The following SLC9A4 variants were observed in gnomAD, a reference collection of about 807,000 sequenced individuals.
SLC9A4 encodes sodium/hydrogen exchanger 4.
In SLC9A4, 63 loss-of-function variants were observed where a neutral mutation model predicts 67.4. The ratio of observed to expected loss-of-function variants is 0.93; its 90% CI spans 0.76 to 1.15. SLC9A4 has a LOEUF of 1.15. SLC9A4 is among the 50% of genes most tolerant of loss of function. SLC9A4 has a pLI of 0.00. For synonymous variants in SLC9A4, 393 were observed against 367.2 expected (o/e 1.07, Z -0.80); for missense variants, 1,089 against 987.7 (o/e 1.10, Z -1.38).
intron 2 of SLC9A4, among the ~76,000 whole-genome samples, chr2:102,502,524 T>C (rs186180620): frequency 1.4e-4 from 22 of 152,348 alleles, no homozygotes; most frequent in Non-Finnish European, 2.8e-4. Context: ...AAACTCTCTA[T>C]GTACCCTAGG....
intron 2 of SLC9A4, among the ~76,000 whole-genome samples, chr2:102,482,112 A>G (rs6751666): frequency 0.11 from 16,386 of 152,244 alleles, 1,157 homozygotes; most frequent in African/African-American, 0.2. Context: ...CAAGCTTCAC[A>G]AAAAGCCACA....
At position 102,503,572 on chromosome 2, in the gene SLC9A4, T is replaced by A. The variant is rs1309783106; in HGVS notation, c.845T>A (p.Ile282Asn). The change falls in exon 3 of 12, where the codon ATC becomes AAC. Residue 282 changes from isoleucine (I) to asparagine (N), a missense_variant. Coordinates refer to ENST00000295269, the MANE Select transcript of SLC9A4 (RefSeq NM_001011552.4). Reference protein sequence around the residue: ...VVGLGGVLFGIVFGFISAFIT... With the variant: ...VVGLGGVLFGNVFGFISAFIT... ...GGGCTTGGAGGGGTATTGTTTGGCA[T>A]CGTTTTTGGATTTATTTCTGCATTT... The A allele has an allele frequency of 1.9e-6, 3 of 1,614,182 alleles. No homozygotes were observed. The highest frequency in any genetic ancestry group is 2.5e-6 in the Non-Finnish European group (3 of 1,180,050).
intron 2 of SLC9A4, among the ~76,000 whole-genome samples, chr2:102,480,226 T>A (rs1461984484): frequency 6.6e-6 from 1 of 152,160 alleles, no homozygotes; most frequent in Admixed American, 6.5e-5. Context: ...ACCTTTTCCC[T>A]CCTGTATTTT....
At chr2:102,497,623 A>T (rs1399295266) in intron 2 of SLC9A4, among the ~76,000 whole-genome samples, 2 of 152,226 alleles carry the variant, frequency 1.3e-5, no homozygotes, top group African/African-American at 4.8e-5. Context: ...TAAAATGCAA[A>T]TTAATCTATT....
chr2:102,530,971 T>C (rs937807038), intron 11 of SLC9A4, among the ~76,000 whole-genome samples: 3 of 152,122 alleles, frequency 2.0e-5, no homozygotes, highest in African/African-American at 7.2e-5. Context: ...GGCATATTCA[T>C]TCTAGATATG....
chr2:102,530,630 T>C (rs989538187), intron 11 of SLC9A4, among the ~76,000 whole-genome samples: 1 of 151,922 alleles, frequency 6.6e-6, no homozygotes, highest in Non-Finnish European at 1.5e-5. Flanking sequence ...ACAGGAAAGG[T>C]TGGAGTGAAA....
At chr2:102,474,722 T>C (rs904491809) in intron 1 of SLC9A4, among the ~76,000 whole-genome samples, 1 of 152,220 alleles carries the variant, frequency 6.6e-6, no homozygotes, top group Non-Finnish European at 1.5e-5. Context: ...GACTGTTTAA[T>C]CCCTAACTGC....
intron 4 of SLC9A4, among the ~76,000 whole-genome samples, chr2:102,507,241 C>A (rs1028085451): frequency 6.6e-6 from 1 of 152,206 alleles, no homozygotes; most frequent in Non-Finnish European, 1.5e-5. Context: ...TTTGCACTAT[C>A]CATGTGCCTA....
chr2:102,523,488 A>G (rs1296525578), intron 9 of SLC9A4, among the ~76,000 whole-genome samples: 1 of 152,224 alleles, frequency 6.6e-6, no homozygotes, highest in East Asian at 1.9e-4. Flanking sequence ...GTGAGGGCCC[A>G]TTATAAATTC....
chr2:102,494,995 T>C (rs1684776176), intron 2 of SLC9A4, among the ~76,000 whole-genome samples: 1 of 152,086 alleles, frequency 6.6e-6, no homozygotes, highest in Non-Finnish European at 1.5e-5. Flanking sequence ...CTAATTCCTA[T>C]TCATAGAATA....
At chr2:102,520,156 A>G (rs1685375234) in intron 9 of SLC9A4, among the ~76,000 whole-genome samples, 1 of 152,180 alleles carries the variant, frequency 6.6e-6, no homozygotes, top group Non-Finnish European at 1.5e-5. Flanking sequence ...TACCTGTGAC[A>G]TAAAAAGAAA....
intron 1 of SLC9A4, among the ~76,000 whole-genome samples, chr2:102,476,108 A>G (rs958672734): frequency 6.6e-6 from 1 of 152,206 alleles, no homozygotes; most frequent in Non-Finnish European, 1.5e-5. Context: ...TGACAGAAAA[A>G]CATCAAAACT....
At chr2:102,480,624 CT>C (rs1309418901) in intron 2 of SLC9A4, among the ~76,000 whole-genome samples, 4 of 152,178 alleles carry the variant, frequency 2.6e-5, no homozygotes, top group African/African-American at 9.7e-5. Context: ...GCATGCCTCT[CT>C]CTTTGCATTC....
Position 102,505,249 on chromosome 2 carries a change from T to C in SLC9A4, c.981-5T>C, listed in dbSNP as rs1685026003. 1.2e-6 allele frequency: 2 copies of C among 1,613,084 alleles called. No individual in the cohort carries two copies. The highest frequency in any genetic ancestry group is 1.6e-4 in the Middle Eastern group (1 of 6,062). The stretch of plus-strand genomic sequence containing the variant: ...ATTTTCTCTGAGACTCTGCTCCTTT[T>C]ATAGAATCACAGCCTGCGCAGTAAC... On this transcript the variant is annotated splice_polypyrimidine_tract_variant and splice_region_variant and intron_variant, in intron 3 of 11. Coordinates refer to ENST00000295269, the MANE Select transcript of SLC9A4 (RefSeq NM_001011552.4).
chr2:102,503,444 C>T lies in SLC9A4; in HGVS notation c.721-4C>T. ...CATATTTGTTTACTCTCTTTTTTGC[C>T]TAGGTCTTATACAATATGTTAATTG... is the stretch of plus-strand genomic sequence containing the variant. On this transcript the variant is annotated splice_polypyrimidine_tract_variant and splice_region_variant and intron_variant, in intron 2 of 11. Transcript: ENST00000295269. 1.3e-6 allele frequency: 2 copies of T among 1,572,144 alleles called. No individual in the cohort carries two copies. The highest frequency in any genetic ancestry group is 1.8e-5 in the Admixed American group (1 of 54,202).
In SLC9A4 at chr2:102,473,557, T is replaced by G; in HGVS notation, c.-203T>G. 1.7e-6 allele frequency: 1 copy of G among 605,096 alleles called. No homozygotes were observed. The highest frequency in any genetic ancestry group is 2.8e-6 in the Non-Finnish European group (1 of 357,142). 37.5% of individuals were successfully genotyped at this position (605,096 alleles called of 1,614,324 possible). A position where few individuals can be genotyped will look rare whatever the true frequency, so the allele number is the denominator to read the frequency against. On this transcript the variant is annotated 5_prime_UTR_variant, in exon 1 of 12. Transcript: ENST00000295269. Reference sequence around the variant, plus strand: ...CATTTGAGTTGGAAGCTGAGTTGCCTGAACACAAACGATTTAAACCAGATT... The same window carrying G: ...CATTTGAGTTGGAAGCTGAGTTGCCGGAACACAAACGATTTAAACCAGATT...
Position 102,525,127 on chromosome 2 carries a change from A to G in SLC9A4, c.1922A>G (p.Lys641Arg), listed in dbSNP as rs759851027. ...RQNTLRESMR[K>R]GHSLPWGKPA... ...AACACCTTAAGGGAGAGCATGAGGA[A>G]AGGTCACAGCCTGCCCTGGGGAAAG... Residue 641 changes from lysine to arginine, a missense_variant, in exon 10 of 12, where the codon AAA (lysine) becomes AGA (arginine). By Grantham distance (26) the Lys-to-Arg change is conservative. Transcript: ENST00000295269. 10 of 1,613,932 alleles carry G rather than the reference A, an allele frequency of 6.2e-6. No individual in the cohort carries two copies. The highest frequency in any genetic ancestry group is 1.6e-4 in the Middle Eastern group (1 of 6,082).
chr2:102,499,116 G>A lies in SLC9A4; in HGVS notation c.721-4332G>A, dbSNP rs953141602. On this transcript the variant is annotated intron_variant, in intron 2 of 11. Transcript: ENST00000295269. ...ATCAGGAACCCACAGGCTGAAACACGTATCCAAGGAGTCCTTTGCCTTCCA... is the reference window on the plus strand; with the variant it reads ...ATCAGGAACCCACAGGCTGAAACACATATCCAAGGAGTCCTTTGCCTTCCA... Among the ~76,000 whole-genome samples the A allele has an allele frequency of 3.3e-5, 5 of 152,124 alleles. No individual in the cohort carries two copies. The South Asian group carries it at 6.2e-4, about 19-fold the overall frequency.
intron 4 of SLC9A4, 25 bp downstream of exon 4, chr2:102,505,496 T>C: frequency 6.2e-7 from 1 of 1,604,218 alleles, no homozygotes; most frequent in Non-Finnish European, 8.5e-7. Context: ...GGCTCCAGAG[T>C]CTCCGGTCCT....
Sources: allele counts gnomAD v4.1 joint callset (sites outside exome capture counted in the v4.1 genomes callset), GRCh38; gene constraint gnomAD v4.1.1; transcripts MANE v1.5; gene names NCBI Gene and HGNC (gene_info 2026-07-23, HGNC 2026-07-21).